DTNBP1: variants seen among roughly 807,000 people sequenced by gnomAD.
DTNBP1 encodes the protein dysbindin.
DTNBP1 carries 35 observed loss-of-function variants against 42.8 expected under a neutral mutation model. That is an observed-to-expected ratio of 0.82 (90% confidence interval 0.63 to 1.09). The LOEUF is 1.09. Ranked by LOEUF, DTNBP1 falls within the 50% of genes least tolerant of loss-of-function variation. The pLI, the probability that DTNBP1 is intolerant of heterozygous loss-of-function variation, is 0.00. For synonymous variants in DTNBP1, 171 were observed against 162.2 expected (o/e 1.05, Z -0.41); for missense variants, 457 against 424.2 (o/e 1.08, Z -0.68).
chr6:15,653,237 A>G (rs775889449), intron 1 of DTNBP1, among the ~76,000 whole-genome samples: 46 of 152,244 alleles, frequency 3.0e-4, no homozygotes, highest in Non-Finnish European at 5.3e-4. Flanking sequence ...ATGACTCAGG[A>G]TCAGTATTAA....
At chr6:15,544,717 G>C (rs544719434) in intron 7 of DTNBP1, among the ~76,000 whole-genome samples, 3 of 152,218 alleles carry the variant, frequency 2.0e-5, no homozygotes, top group African/African-American at 7.2e-5. Context: ...CAACCAGTAA[G>C]TGCATACTGC....
intron 7 of DTNBP1, chr6:15,546,063 CTTTTTTTTTTTT>C (rs34253215): frequency 3.7e-6 from 1 of 268,870 alleles, no homozygotes; most frequent in African/African-American, 3.4e-5. Context: ...ACCTCCAGTT[CTTTTTTTTTTTT>C]TTTTTTTTGA....
intron 7 of DTNBP1, among the ~76,000 whole-genome samples, chr6:15,549,479 T>C (rs7741069): frequency 1 from 139,280 of 139,314 alleles, 69,623 homozygotes; most frequent in Middle Eastern, 1. Flanking sequence ...AGCAAGACTT[T>C]GTCTCAGGGA....
At chr6:15,553,593 G>GATTTTTTTTTTTTTT (rs1168459056) in intron 7 of DTNBP1, among the ~76,000 whole-genome samples, 1 of 14,264 alleles carries the variant, frequency 7.0e-5, no homozygotes, top group Non-Finnish European at 1.2e-4. Flanking sequence ...TGACAAGTGA[G>GATTTTTTTTTTTTTT]CTTTTTTTTT....
intron 7 of DTNBP1, among the ~76,000 whole-genome samples, chr6:15,584,043 C>A (rs918970737): frequency 1.3e-5 from 2 of 151,792 alleles, no homozygotes; most frequent in African/African-American, 4.8e-5. Context: ...TGTCTTAGAG[C>A]CAAAATTAAC....
intron 7 of DTNBP1, among the ~76,000 whole-genome samples, chr6:15,555,922 A>C (rs751344702): frequency 6.6e-5 from 10 of 152,192 alleles, no homozygotes; most frequent in Non-Finnish European, 1.3e-4. Flanking sequence ...ATTTCCAGTA[A>C]CATCTTCCTG....
intron 4 of DTNBP1, among the ~76,000 whole-genome samples, chr6:15,634,952 A>G (rs577782873): frequency 1.3e-5 from 2 of 152,260 alleles, no homozygotes; most frequent in South Asian, 4.2e-4. Flanking sequence ...ATTCTTTAGA[A>G]GTTCTTTTAT....
intron 6 of DTNBP1, among the ~76,000 whole-genome samples, chr6:15,608,279 AAC>A (rs1216924771): frequency 1.3e-5 from 2 of 148,884 alleles, no homozygotes; most frequent in Non-Finnish European, 3.0e-5. Context: ...TTTAAAAAAA[AAC>A]ACACACATTT....
chr6:15,614,951 G>C (rs1758631768), intron 6 of DTNBP1: 2 of 426,836 alleles, frequency 4.7e-6, no homozygotes, highest in Non-Finnish European at 8.8e-6. Context: ...GAAAAGAAAA[G>C]AGCAACCCAG....
chr6:15,552,514 G>A lies in DTNBP1; in HGVS notation c.512-19119C>T, dbSNP rs1774272405. Among the ~76,000 whole-genome samples, 3 of 152,204 alleles carry A rather than the reference G, an allele frequency of 2.0e-5. No homozygotes were observed. The South Asian group carries it at 6.2e-4, about 32-fold the overall frequency. ...AATTAGTATGACAGCACAGCTGGGT[G>A]CAGTGGTTCATTCCTGTAATCCCAG... On this transcript the variant is annotated intron_variant, in intron 7 of 9. Transcript: ENST00000344537.
intron 7 of DTNBP1, among the ~76,000 whole-genome samples, chr6:15,570,822 T>C (rs1349803092): frequency 6.6e-6 from 1 of 152,160 alleles, no homozygotes; most frequent in Non-Finnish European, 1.5e-5. Context: ...GAATGTAAAC[T>C]AAGGTGGTAT....
intron 7 of DTNBP1, chr6:15,585,924 A>T: frequency 7.2e-7 from 1 of 1,388,094 alleles, no homozygotes; most frequent in Non-Finnish European, 9.3e-7. Context: ...TAAGCCTATT[A>T]GTTTTTTGCT....
chr6:15,552,096 C>T (rs558038545), intron 7 of DTNBP1, among the ~76,000 whole-genome samples: 12 of 152,216 alleles, frequency 7.9e-5, no homozygotes, highest in African/African-American at 1.9e-4. Context: ...GAACAGGCAA[C>T]GGACAATGAC....
chr6:15,578,237 G>A (rs1775668144), intron 7 of DTNBP1, among the ~76,000 whole-genome samples: 1 of 152,244 alleles, frequency 6.6e-6, no homozygotes, highest in African/African-American at 2.4e-5. Flanking sequence ...AGGGAGCACA[G>A]AGCCCTTCTC....
At chr6:15,528,178 A>G (rs1013500154) in intron 8 of DTNBP1, among the ~76,000 whole-genome samples, 2 of 152,232 alleles carry the variant, frequency 1.3e-5, no homozygotes, top group African/African-American at 4.8e-5. Flanking sequence ...CATGGCAACT[A>G]TGAAGAAAAT....
At chr6:15,642,091 CAG>C (rs1342943981) in intron 3 of DTNBP1, among the ~76,000 whole-genome samples, 28 of 152,118 alleles carry the variant, frequency 1.8e-4, no homozygotes, top group Admixed American at 1.6e-3. Flanking sequence ...GAGCCCTGCA[CAG>C]CTCAAGCTTT....
intron 1 of DTNBP1, among the ~76,000 whole-genome samples, chr6:15,658,993 C>T (rs533281912): frequency 9.8e-4 from 149 of 152,222 alleles, no homozygotes; most frequent in African/African-American, 3.4e-3. Context: ...ATTGTTACTA[C>T]GCATAAAAAT....
chr6:15,619,250 G>A (rs1250179736), intron 5 of DTNBP1, among the ~76,000 whole-genome samples: 1 of 152,224 alleles, frequency 6.6e-6, no homozygotes, highest in Non-Finnish European at 1.5e-5. Context: ...GATGTTTGAG[G>A]AGATGGATAT....
intron 3 of DTNBP1, among the ~76,000 whole-genome samples, chr6:15,639,066 G>A (rs1760193902): frequency 6.6e-6 from 1 of 152,184 alleles, no homozygotes; most frequent in Admixed American, 6.5e-5. Context: ...CAATGTTAAA[G>A]AAGGTAAGGG....
Sources: gnomAD v4.1 joint callset for allele counts (sites outside exome capture counted in the v4.1 genomes callset) on GRCh38, gnomAD v4.1.1 for gene constraint, MANE v1.5 for transcripts, NCBI Gene and HGNC (gene_info 2026-07-23, HGNC 2026-07-21) for gene names.